Variants in NXN observed in about 807,000 individuals in gnomAD.
NXN encodes the protein nucleoredoxin.
In NXN, 16 loss-of-function variants were observed where a neutral mutation model predicts 48.6. The observed-to-expected ratio is 0.33, with a 90% CI of 0.22 to 0.50. The LOEUF (loss-of-function observed/expected upper bound fraction) is 0.50. Among genes scored for constraint, NXN ranks in the 20% least tolerant of loss-of-function variants. The pLI is 0.98. For synonymous variants in NXN, 281 were observed against 269.6 expected, an observed-to-expected ratio of 1.04 and a Z score of -0.41; for missense variants, 492 against 605.5, an observed-to-expected ratio of 0.81 and a Z score of 1.97.
chr17:905,021 A>C (rs1411618043), intron 1 of NXN: 1 of 152,076 alleles, frequency 6.6e-6, no homozygotes, highest in Non-Finnish European at 1.5e-5. Flanking sequence ...TACACCCACA[A>C]CTACGGATCT....
chr17:911,938 C>CTTT (rs147131427), intron 1 of NXN, among the ~76,000 whole-genome samples: 3 of 141,802 alleles, frequency 2.1e-5, no homozygotes, highest in Admixed American at 7.1e-5. Flanking sequence ...CATGCATATA[C>CTTT]TTTTTTTTTT....
chr17:975,366 G>T (rs1331285125), intron 1 of NXN, among the ~76,000 whole-genome samples: 1 of 152,230 alleles, frequency 6.6e-6, no homozygotes, highest in East Asian at 1.9e-4. Flanking sequence ...ATTCAAGGAA[G>T]AGTGGCAGAG....
chr17:906,619 T>G (rs1341938113), intron 1 of NXN, among the ~76,000 whole-genome samples: 2 of 150,638 alleles, frequency 1.3e-5, no homozygotes, highest in Admixed American at 1.3e-4. Context: ...CAGGCTGGAG[T>G]GCAGCACTGC....
At chr17:974,401 C>T (rs1259825499) in intron 1 of NXN, among the ~76,000 whole-genome samples, 3 of 151,754 alleles carry the variant, frequency 2.0e-5, no homozygotes, top group Non-Finnish European at 4.4e-5. Flanking sequence ...ACCTCATAAC[C>T]GTTTTACAGT....
intron 1 of NXN, among the ~76,000 whole-genome samples, chr17:846,806 G>A (rs1220680287): frequency 6.6e-6 from 1 of 152,134 alleles, no homozygotes; most frequent in Non-Finnish European, 1.5e-5. Context: ...GCTTGGTACT[G>A]TGGCATGCTG....
Position 819,436 on chromosome 17 carries a change from T to A in NXN, c.820+3A>T. 6.2e-7 allele frequency: 1 copy of A among 1,613,346 alleles called. No individual in the cohort carries two copies. Among genetic ancestry groups the A allele is most frequent in the Non-Finnish European group, 8.5e-7 (1 of 1,179,348 alleles). ...ACACGGAGCCGGGGCCTGGAGCGCCTACCTTGGATTCCGTACAGCCGGTTG... is the reference window on the plus strand; with the variant it reads ...ACACGGAGCCGGGGCCTGGAGCGCCAACCTTGGATTCCGTACAGCCGGTTG... On this transcript the variant is annotated splice_donor_region_variant and intron_variant, in intron 5 of 7. Coordinates refer to ENST00000336868, the MANE Select transcript of NXN (RefSeq NM_022463.5).
chr17:904,516 G>C lies in NXN; in HGVS notation c.360+74803C>G, dbSNP rs948047390. Among the ~76,000 whole-genome samples the C allele has an allele frequency of 6.1e-4, 93 of 152,140 alleles. 1 individual carries two copies. Among genetic ancestry groups the C allele is most frequent in the African/African-American group, 2.2e-3 (91 of 41,512 alleles). On this transcript the variant is annotated intron_variant, in intron 1 of 7. Coordinates refer to ENST00000336868, the MANE Select transcript of NXN (RefSeq NM_022463.5). ...CCCAACACATTCCCATCAGTAACAG[G>C]AACTCACCCACATGGCAGTATTTTT... is the stretch of plus-strand genomic sequence containing the variant.
intron 1 of NXN, among the ~76,000 whole-genome samples, chr17:914,644 G>A (rs1391483321): frequency 1.3e-5 from 2 of 152,220 alleles, no homozygotes; most frequent in African/African-American, 4.8e-5. Context: ...CATCGAACCA[G>A]GCGGAGACAA....
At chr17:813,945 G>C (rs1912322086) in intron 5 of NXN, among the ~76,000 whole-genome samples, 1 of 145,964 alleles carries the variant, frequency 6.9e-6, no homozygotes, top group Admixed American at 7.0e-5. Flanking sequence ...CAGCCTCTGG[G>C]TAACAGAGCA....
intron 6 of NXN, 28 bp downstream of exon 6, chr17:805,040 T>G: frequency 4.2e-6 from 4 of 956,692 alleles, no homozygotes; most frequent in Non-Finnish European, 6.0e-6. Context: ...CAGCCACCCC[T>G]CGCCCCCTGC....
Position 979,453 on chromosome 17 carries a change from CCCCGGCCCCCGCTCCCGGCCCCGG to C in NXN, c.202_225del (p.Pro68_Gly75del), listed in dbSNP as rs2069510638. 4.9e-6 allele frequency: 6 copies of C among 1,220,716 alleles called. No homozygotes were observed. Among genetic ancestry groups the C allele is most frequent in the South Asian group, 2.6e-5 (1 of 37,844 alleles). 75.6% of individuals were successfully genotyped at this position (1,220,716 alleles called of 1,614,324 possible). A position where few individuals can be genotyped will look rare whatever the true frequency, so the allele number is the denominator to read the frequency against. On this transcript the variant is annotated inframe_deletion, in exon 1 of 8. Transcript: ENST00000336868. ...CGCCGCGGCTCGGGCTCCGCCGCCG[CCCCGGCCCCCGCTCCCGGCCCCGG>C]CCCGGCCGCCGCGTCCCCCCGCAGG...
intron 1 of NXN, among the ~76,000 whole-genome samples, chr17:872,338 A>G (rs1354158554): frequency 1.4e-5 from 2 of 143,334 alleles, no homozygotes; most frequent in South Asian, 2.2e-4. Context: ...CATCAAAGAC[A>G]AGGAGAGAGA....
chr17:897,900 C>T (rs1273535058), intron 1 of NXN, among the ~76,000 whole-genome samples: 2 of 152,166 alleles, frequency 1.3e-5, no homozygotes, highest in East Asian at 1.9e-4. Context: ...AGGCTGGTCT[C>T]GAACTCCTCA....
Position 825,974 on chromosome 17 carries a change from T to A in NXN, c.465A>T (p.Arg155=). 6.2e-7 allele frequency: 1 copy of A among 1,610,570 alleles called. No homozygotes were observed. The highest frequency in any genetic ancestry group is 1.1e-5 in the South Asian group (1 of 90,774). Residue 155 remains arginine, a synonymous_variant, in exon 2 of 8, where the codon CGA becomes CGT. Transcript: ENST00000336868. This position sits in a 1 kb window ranked among gnomAD's most constrained non-coding sequence, Gnocchi z 4.1. The part of the protein sequence containing the change: ...VVCRNGLLVI[R]DDPEGLEFPW... ...CTGAGGTTTTACCTTCTGGGTCATC[T>A]CGGATCACCAGCAGCCCGTTCCTGC...
rs1913416357 is a variant in NXN, at chr17:830,845, AT to A, written c.361-4768del. Among the ~76,000 whole-genome samples, 1 of 152,126 alleles carries A rather than the reference AT, an allele frequency of 6.6e-6. No homozygotes were observed. The highest frequency in any genetic ancestry group is 2.4e-5 in the African/African-American group (1 of 41,426). Reference sequence around the variant, plus strand: ...GTGAAAGCCCATCTCTACTAAAAATATAAAATTAACCAGGCATGGTGGCAGG... The same window carrying A: ...GTGAAAGCCCATCTCTACTAAAAATAAAAATTAACCAGGCATGGTGGCAGG... On this transcript the variant is annotated intron_variant, in intron 1 of 7. Transcript: ENST00000336868. This position sits in a 1 kb window ranked among gnomAD's most constrained non-coding sequence, Gnocchi z 4.2.
chr17:920,114 G>A lies in NXN; in HGVS notation c.360+59205C>T, dbSNP rs1280850413. On this transcript the variant is annotated intron_variant, in intron 1 of 7. Coordinates refer to ENST00000336868, the MANE Select transcript of NXN (RefSeq NM_022463.5). The surrounding 1 kb of genome is among the most constrained non-coding windows in gnomAD (Gnocchi z 4.6). ...AAGGTTTCGCCATGTTGCCCAGGCTGGTCTTGAACTCCTGGGCTCAAGCGA... is the reference window on the plus strand; with the variant it reads ...AAGGTTTCGCCATGTTGCCCAGGCTAGTCTTGAACTCCTGGGCTCAAGCGA... Among the ~76,000 whole-genome samples the A allele has an allele frequency of 6.6e-5, 10 of 152,096 alleles. No homozygotes were observed. The highest frequency in any genetic ancestry group is 2.6e-4 in the Admixed American group (4 of 15,272).
At chr17:962,396 G>A (rs976107983) in intron 1 of NXN, among the ~76,000 whole-genome samples, 1 of 151,860 alleles carries the variant, frequency 6.6e-6, no homozygotes, top group Non-Finnish European at 1.5e-5. Flanking sequence ...AGCCGGGCAC[G>A]GTGACTCACG....
chr17:940,396 A>G (rs2068958180), intron 1 of NXN, among the ~76,000 whole-genome samples: 1 of 152,164 alleles, frequency 6.6e-6, no homozygotes, highest in African/African-American at 2.4e-5. Flanking sequence ...ACCTGGCCTC[A>G]ATATTACTTT....
At chr17:808,580 C>A (rs966452928) in intron 5 of NXN, among the ~76,000 whole-genome samples, 3 of 151,536 alleles carry the variant, frequency 2.0e-5, no homozygotes, top group Non-Finnish European at 4.4e-5. Context: ...CAGGTGTGAA[C>A]CACCATGCCC....
Sources: gnomAD v4.1 joint callset for allele counts (sites outside exome capture counted in the v4.1 genomes callset) on GRCh38, gnomAD v4.1.1 for gene constraint, Gnocchi (gnomAD v3.1) non-coding constraint, MANE v1.5 for transcripts, NCBI Gene and HGNC (gene_info 2026-07-23, HGNC 2026-07-21) for gene names.